Variants in PCDHA8 observed in about 807,000 individuals in gnomAD.
The protein encoded by PCDHA8 is protocadherin alpha-8.
A neutral mutation model predicts 61.8 loss-of-function variants in PCDHA8; 53 were observed. That is an observed-to-expected ratio of 0.86 (90% CI 0.69 to 1.08). PCDHA8 has a LOEUF of 1.08. Among genes scored for constraint, PCDHA8 ranks in the 50% least tolerant of loss-of-function variants. The probability of loss-of-function intolerance (pLI) is 0.00; values close to 1 mark genes in which losing one functional copy is unlikely to be tolerated. For missense variants in PCDHA8, 1,293 were observed against 1,245.0 expected (o/e 1.04, Z -0.58); for synonymous variants, 618 against 556.6 (o/e 1.11, Z -1.55).
rs2150375688 is a variant in PCDHA8, at chr5:140,844,999, T to C, written c.2394+1284T>C. 8.7e-5 allele frequency among the ~76,000 whole-genome samples: 13 copies of C among 149,338 alleles called. 1 individual carries two copies. Among genetic ancestry groups the C allele is most frequent in the African/African-American group, 4.9e-5 (2 of 40,784 alleles). ...TTGTTTTAAATCTTTTAATCACTTA[T>C]GAACAAATAATGTAATCATTTATGG... On this transcript the variant is annotated intron_variant, in intron 1 of 3. Transcript: ENST00000531613.
chr5:140,917,329 G>GC (rs1563018868), intron 1 of PCDHA8, among the ~76,000 whole-genome samples: 1 of 143,930 alleles, frequency 6.9e-6, no homozygotes, highest in Non-Finnish European at 1.5e-5. Flanking sequence ...TGTGGCGGGG[G>GC]AGGGGGGGGA....
At chr5:140,868,446 A>G (rs1224722166) in intron 1 of PCDHA8, 1 of 152,368 alleles carries the variant, frequency 6.6e-6, no homozygotes, top group Non-Finnish European at 1.5e-5. Flanking sequence ...TGTGGAACAT[A>G]AACACTAAAG....
chr5:140,906,238 C>T (rs1309828775), intron 1 of PCDHA8, among the ~76,000 whole-genome samples: 2 of 152,186 alleles, frequency 1.3e-5, no homozygotes, highest in Non-Finnish European at 2.9e-5. Flanking sequence ...CCCTTGTCAA[C>T]TTGAACCCAT....
chr5:140,857,035 G>A (rs1358871197), intron 1 of PCDHA8: 4 of 1,596,218 alleles, frequency 2.5e-6, no homozygotes, highest in Non-Finnish European at 3.4e-6. Context: ...ACCCACCTAT[G>A]GTTGGTCACT....
At chr5:140,917,070 G>A (rs528403297) in intron 1 of PCDHA8, among the ~76,000 whole-genome samples, 14 of 152,102 alleles carry the variant, frequency 9.2e-5, no homozygotes, top group Non-Finnish European at 1.9e-4. Context: ...ACAGCACCGA[G>A]TTTAATGTAA....
rs1047587407 is a variant in PCDHA8 at position 140,847,610 on chromosome 5, C to G, written c.2394+3895C>G. 4.0e-5 allele frequency: 6 copies of G among 149,370 alleles called. 1 individual carries two copies. The highest frequency in any genetic ancestry group is 1.5e-4 in the African/African-American group (6 of 40,758). 9.3% of individuals were successfully genotyped at this position (149,370 alleles called of 1,614,324 possible). On this transcript the variant is annotated intron_variant, in intron 1 of 3. Coordinates refer to ENST00000531613, the MANE Select transcript of PCDHA8 (RefSeq NM_018911.3). ...ATGAAATTAAAACATATTGTAATAACATTACACAAACTATATTGGAGACTA... is the reference window on the plus strand; with the variant it reads ...ATGAAATTAAAACATATTGTAATAAGATTACACAAACTATATTGGAGACTA...
intron 1 of PCDHA8, chr5:140,851,385 AGTATCTATTATTTT>A: frequency 4.1e-6 from 4 of 975,218 alleles, no homozygotes; most frequent in Non-Finnish European, 5.0e-6. Flanking sequence ...AGCAACCTTC[AGTATCTATTATTTT>A]AATAAGAAAG....
At position 140,858,049 on chromosome 5, in the gene PCDHA8, G is replaced by T. The variant is rs181372488; in HGVS notation, c.2394+14334G>T. 54 of 1,597,448 alleles carry T rather than the reference G, an allele frequency of 3.4e-5. 4 individuals carry two copies. Among genetic ancestry groups the T allele is most frequent in the Non-Finnish European group, 4.4e-5 (51 of 1,167,426 alleles). On this transcript the variant is annotated intron_variant, in intron 1 of 3. Coordinates refer to ENST00000531613, the MANE Select transcript of PCDHA8 (RefSeq NM_018911.3). ...CGGCCACGGCCACTGTGCTTGTGTC[G>T]CTTGTGGAGGGCAGCCAGGCACCCA... is the stretch of plus-strand genomic sequence containing the variant.
At position 140,883,904 on chromosome 5, in the gene PCDHA8, G is replaced by A. The variant is rs146827381; in HGVS notation, c.2394+40189G>A. 7,677 of 1,613,344 alleles carry A rather than the reference G, an allele frequency of 4.8e-3. 19 individuals are homozygous for A. The highest frequency in any genetic ancestry group is 5.8e-3 in the Non-Finnish European group (6,886 of 1,179,828). On this transcript the variant is annotated intron_variant, in intron 1 of 3. Transcript: ENST00000531613. ...GCGCGACTCTGGCGTGCCGCCTCTG[G>A]GCAGCAACGTGACGCTGCAGGTGTT... is the stretch of plus-strand genomic sequence containing the variant.
At chr5:140,880,317 A>C (rs1295276378) in intron 1 of PCDHA8, among the ~76,000 whole-genome samples, 1 of 152,248 alleles carries the variant, frequency 6.6e-6, no homozygotes, top group East Asian at 1.9e-4. Flanking sequence ...ACAAGTAAAA[A>C]ATAAGATACT....
chr5:140,860,841 T>C (rs251367), intron 1 of PCDHA8: 102,021 of 152,038 alleles, frequency 0.67, 34,407 homozygotes, highest in Middle Eastern at 0.71. Context: ...AGGTTCACGC[T>C]ATTCTCCTGC....
At chr5:140,857,221 C>T in intron 1 of PCDHA8, 1 of 1,598,474 alleles carries the variant, frequency 6.3e-7, no homozygotes, top group South Asian at 1.1e-5. Context: ...TGACGCCTCA[C>T]GTTCCGTTCA....
chr5:141,009,539 C>T, intron 3 of PCDHA8, 88 bp from the exon 4 acceptor site: 1 of 1,522,752 alleles, frequency 6.6e-7, no homozygotes, highest in Non-Finnish European at 8.8e-7. Flanking sequence ...TTCAGCCTGC[C>T]TATGCAGTAC....
chr5:140,892,952 AT>A (rs1327610333), intron 1 of PCDHA8, among the ~76,000 whole-genome samples: 1 of 152,154 alleles, frequency 6.6e-6, no homozygotes, highest in African/African-American at 2.4e-5. Context: ...TACTACTTCC[AT>A]GAGCTCAATA....
At chr5:140,872,598 A>G (rs1211346027) in intron 1 of PCDHA8, among the ~76,000 whole-genome samples, 1 of 152,158 alleles carries the variant, frequency 6.6e-6, no homozygotes, top group African/African-American at 2.4e-5. Context: ...CCCCCATCTG[A>G]AAAAATAATT....
chr5:140,967,368 A>G (rs2096133589), intron 1 of PCDHA8: 1 of 1,607,738 alleles, frequency 6.2e-7, no homozygotes, highest in Non-Finnish European at 8.5e-7. Flanking sequence ...AAGCCCCTGC[A>G]GGAGAACAGT....
intron 1 of PCDHA8, among the ~76,000 whole-genome samples, chr5:140,916,214 C>A (rs1294292456): frequency 6.6e-6 from 1 of 152,266 alleles, no homozygotes; most frequent in African/African-American, 2.4e-5. Flanking sequence ...TGGGGAAGAT[C>A]CAAATATGCT....
chr5:140,882,731 G>C, intron 1 of PCDHA8: 1 of 1,614,232 alleles, frequency 6.2e-7, no homozygotes, highest in Non-Finnish European at 8.5e-7. Flanking sequence ...ATTTCCACTA[G>C]ATGGCGCATC....
intron 1 of PCDHA8, among the ~76,000 whole-genome samples, chr5:140,901,442 T>G (rs1490397176): frequency 6.6e-6 from 1 of 152,206 alleles, no homozygotes; most frequent in Non-Finnish European, 1.5e-5. Flanking sequence ...GATATCTAGT[T>G]TCCCAGCACA....
Sources: gnomAD v4.1 joint callset for allele counts (sites outside exome capture counted in the v4.1 genomes callset) on GRCh38, gnomAD v4.1.1 for gene constraint, MANE v1.5 for transcripts, NCBI Gene and HGNC (gene_info 2026-07-23, HGNC 2026-07-21) for gene names.